Variants in YLPM1 observed in about 807,000 individuals in gnomAD.
The protein encoded by YLPM1 is YLP motif containing 1.
Under a neutral mutation model 230.0 loss-of-function variants are expected in YLPM1, and 99 were observed. The ratio of observed to expected loss-of-function variants is 0.43; its 90% CI spans 0.37 to 0.51. The LOEUF is 0.51. YLPM1 is among the 20% of genes least tolerant of loss of function. The pLI, the probability that YLPM1 is intolerant of heterozygous loss-of-function variation, is 0.00. For synonymous variants in YLPM1, 984 were observed against 942.5 expected (o/e 1.04, Z -0.81); for missense variants, 2,592 against 2,707.7 (o/e 0.96, Z 0.95).
intron 4 of YLPM1, among the ~76,000 whole-genome samples, chr14:74,789,905 T>C (rs192111499): frequency 4.0e-5 from 6 of 151,898 alleles, no homozygotes; most frequent in Admixed American, 3.3e-4. Flanking sequence ...ATTACAGACA[T>C]GAGCCACCAT....
In YLPM1 at chr14:74,764,226, C is replaced by T; in HGVS notation, c.737C>T (p.Ala246Val). The change falls in exon 1 of 21, where the codon GCT becomes GTT. Residue 246 changes from alanine to valine, a missense_variant. Ala to Val is a moderately conservative substitution (Grantham distance 64). Transcript: ENST00000325680. ...GGCCATTCTAAATCCCAACTACTAG[C>T]TCCACCACCACCGTCCGCCCCCCCT... The part of the protein sequence containing the change: ...SQGHSKSQLL[A>V]PPPPSAPPGN... The T allele has an allele frequency of 6.2e-7, 1 of 1,613,674 alleles. No individual in the cohort carries two copies. Among genetic ancestry groups the T allele is most frequent in the Non-Finnish European group, 8.5e-7 (1 of 1,179,820 alleles).
At chr14:74,826,209 C>A (rs950111552) in intron 18 of YLPM1, among the ~76,000 whole-genome samples, 9 of 152,074 alleles carry the variant, frequency 5.9e-5, no homozygotes, top group Admixed American at 6.6e-5. Flanking sequence ...GAGAGCTAAT[C>A]CCACCACAGA....
chr14:74,767,403 T>C (rs1036958725), intron 1 of YLPM1, among the ~76,000 whole-genome samples: 4 of 152,212 alleles, frequency 2.6e-5, no homozygotes, highest in South Asian at 2.1e-4. Flanking sequence ...GTTTTTTTGG[T>C]GTGTTCAAGT....
At chr14:74,815,352 A>G (rs1196158937) in intron 11 of YLPM1, among the ~76,000 whole-genome samples, 1 of 152,012 alleles carries the variant, frequency 6.6e-6, no homozygotes, top group African/African-American at 2.4e-5. Context: ...ACTTGAGGCT[A>G]GGAGTTCAAG....
chr14:74,826,960 T>C (rs1479697514), intron 18 of YLPM1, among the ~76,000 whole-genome samples: 2 of 152,242 alleles, frequency 1.3e-5, no homozygotes, highest in Admixed American at 1.3e-4. Context: ...CTTTTGCTTT[T>C]CTCATCTCAG....
chr14:74,821,143 A>G lies in YLPM1; in HGVS notation c.6111+6A>G. On this transcript the variant is annotated splice_donor_region_variant and intron_variant, in intron 17 of 20. Transcript: ENST00000325680. ...AGGAAGAGGAAAGCGAACTGGTAGG[A>G]GACAGACCAACCACTTTGAACAGTG... The G allele has an allele frequency of 1.9e-6, 3 of 1,541,050 alleles. No homozygotes were observed. Among genetic ancestry groups the G allele is most frequent in the South Asian group, 2.5e-5 (2 of 81,092 alleles).
intron 1 of YLPM1, among the ~76,000 whole-genome samples, chr14:74,774,380 C>T (rs2091010896): frequency 6.6e-6 from 1 of 152,000 alleles, no homozygotes; most frequent in Non-Finnish European, 1.5e-5. Flanking sequence ...TTACAGGCAC[C>T]TGCGACCATG....
chr14:74,816,956 A>T lies in YLPM1; in HGVS notation c.5711A>T (p.Glu1904Val), dbSNP rs2091483277. 5 of 1,588,154 alleles carry T rather than the reference A, an allele frequency of 3.1e-6. No homozygotes were observed. In the East Asian group the frequency reaches 1.1e-4, roughly 36 times the overall value. ...GTAATGGAATATGAATATGAAGCTG[A>T]GATGGAGGAGACTTACCGCACCAGC... is the stretch of plus-strand genomic sequence containing the variant. Reference protein sequence around the residue: ...KKVMEYEYEAEMEETYRTSMF... With the variant: ...KKVMEYEYEAVMEETYRTSMF... Residue 1904 changes from glutamate to valine, a missense_variant, in exon 14 of 21, where the codon GAG becomes GTG. Transcript: ENST00000325680.
intron 17 of YLPM1, chr14:74,824,004 G>A: frequency 2.4e-6 from 1 of 410,558 alleles, no homozygotes; most frequent in East Asian, 4.2e-5. Context: ...GTCCTGAACT[G>A]TAGCTGCCTC....
Position 74,820,289 on chromosome 14 carries a change from G to T in YLPM1, c.6031-768G>T, listed in dbSNP as rs1412976921. Among the ~76,000 whole-genome samples, 4 of 152,138 alleles carry T rather than the reference G, an allele frequency of 2.6e-5. No homozygotes were observed. In the East Asian group the frequency reaches 7.7e-4, roughly 29 times the overall value. On this transcript the variant is annotated intron_variant, in intron 16 of 20. Coordinates refer to ENST00000325680, the MANE Select transcript of YLPM1 (RefSeq NM_019589.3). ...TGTTGAGACAGAGTCTGACTCTATT[G>T]CCCTGGCTGGAGTGCGGTGGCATGA...
intron 20 of YLPM1, 51 bp downstream of exon 20, chr14:74,835,498 G>A: frequency 1.3e-6 from 2 of 1,502,840 alleles, no homozygotes; most frequent in Non-Finnish European, 1.8e-6. Context: ...GCTTCAAAGG[G>A]TTTGAGATAA....
intron 1 of YLPM1, among the ~76,000 whole-genome samples, chr14:74,773,711 CTTTTTTTTTTTTTTT>C (rs766885242): frequency 5.0e-5 from 3 of 60,562 alleles, no homozygotes; most frequent in East Asian, 9.6e-4. Flanking sequence ...TGTTTTCTTT[CTTTTTTTTTTTTTTT>C]TTTTTTTTTT....
chr14:74,764,116 C>A lies in YLPM1; in HGVS notation c.627C>A (p.Ser209=). The A allele has an allele frequency of 6.2e-7, 1 of 1,613,566 alleles. No individual in the cohort carries two copies. Among genetic ancestry groups the A allele is most frequent in the Non-Finnish European group, 8.5e-7 (1 of 1,179,790 alleles). The change falls in exon 1 of 21, where the codon TCC becomes TCA. Residue 209 remains serine (S), a synonymous_variant. Transcript: ENST00000325680. The stretch of plus-strand genomic sequence containing the variant: ...TGGCGCCCACCCCTTCTTACTCATC[C>A]TCCTCCTCTTCCTCGCAATCCTATT... ...SYLAPTPSYS[S]SSSSSQSYLS...
At chr14:74,801,744 T>C (rs114370918) in intron 5 of YLPM1, among the ~76,000 whole-genome samples, 2,829 of 152,334 alleles carry the variant, frequency 0.019, 100 homozygotes, top group African/African-American at 0.065. Flanking sequence ...CATGTGGGAA[T>C]GTAGGCCTGG....
At chr14:74,824,195 C>T in intron 17 of YLPM1, 61 bp from the exon 18 acceptor site, 4 of 1,525,680 alleles carry the variant, frequency 2.6e-6, no homozygotes, top group Non-Finnish European at 2.7e-6. Flanking sequence ...CCAGTTCAAA[C>T]GTGATATGCA....
At position 74,799,360 on chromosome 14, in the gene YLPM1, A is replaced by G. The variant is rs758449291; in HGVS notation, c.4063A>G (p.Arg1355Gly). The G allele has an allele frequency of 1.2e-6, 2 of 1,614,036 alleles. No individual in the cohort carries two copies. The highest frequency in any genetic ancestry group is 1.7e-6 in the Non-Finnish European group (2 of 1,179,900). The change falls in exon 5 of 21, where the codon AGA (arginine) becomes GGA (glycine). Residue 1355 changes from arginine (R) to glycine (G), a missense_variant. Coordinates refer to ENST00000325680, the MANE Select transcript of YLPM1 (RefSeq NM_019589.3). ...RYRDDRWREE[R>G]NREHGYDRDF... ...TCGGGATGATAGATGGAGAGAAGAA[A>G]GAAATCGAGAGCATGGGTATGATCG...
chr14:74,782,386 T>C (rs1371249979), intron 4 of YLPM1, 61 bp downstream of exon 4: 1 of 1,473,440 alleles, frequency 6.8e-7, no homozygotes, highest in African/African-American at 1.4e-5. Context: ...TTAGGCTATT[T>C]GGTTCTCGAT....
rs746801339 is a variant in YLPM1, at chr14:74,798,952, G to C, written c.3655G>C (p.Asp1219His). 11 of 1,613,696 alleles carry C rather than the reference G, an allele frequency of 6.8e-6. No individual in the cohort carries two copies. Among genetic ancestry groups the C allele is most frequent in the Non-Finnish European group, 8.5e-6 (10 of 1,179,814 alleles). The change falls in exon 5 of 21, where the codon GAT (aspartate) becomes CAT (histidine). Residue 1219 changes from aspartate (D) to histidine (H), a missense_variant. By Grantham distance (81) the Asp-to-His change is moderately conservative. Coordinates refer to ENST00000325680, the MANE Select transcript of YLPM1 (RefSeq NM_019589.3). ...TGCTCCAATGGAACGAGAAAGACTC[G>C]ATGACTGGGATAGAGAGAGATACTG... is the stretch of plus-strand genomic sequence containing the variant. The part of the protein sequence containing the change: ...RNAPMERERL[D>H]DWDRERYWRE...
At chr14:74,789,192 A>G (rs551606092) in intron 4 of YLPM1, among the ~76,000 whole-genome samples, 1 of 151,956 alleles carries the variant, frequency 6.6e-6, no homozygotes, top group African/African-American at 2.4e-5. Flanking sequence ...AGGTCCTCCA[A>G]TTCTGTGCTT....
Sources: gnomAD v4.1 joint callset for allele counts (sites outside exome capture counted in the v4.1 genomes callset) on GRCh38, gnomAD v4.1.1 for gene constraint, MANE v1.5 for transcripts, NCBI Gene and HGNC (gene_info 2026-07-23, HGNC 2026-07-21) for gene names.